ADAR: variants seen among roughly 807,000 people sequenced by gnomAD.
The protein encoded by ADAR is adenosine deaminase RNA specific.
Under a neutral mutation model 113.2 loss-of-function variants are expected in ADAR, and 41 were observed. The ratio of observed to expected loss-of-function variants is 0.36; its 90% CI spans 0.28 to 0.47. The LOEUF (loss-of-function observed/expected upper bound fraction) is 0.47, where lower values mean the gene tolerates loss of function less well. Ranked by LOEUF, ADAR falls within the 20% of genes least tolerant of loss-of-function variation. ADAR has a pLI of 1.00. For synonymous variants in ADAR, 605 were observed against 572.6 expected (o/e 1.06, Z -0.81); for missense variants, 1,242 against 1,540.9 (o/e 0.81, Z 3.25).
At chr1:154,610,837 A>AAAAAAAAC, upstream of ADAR, among the ~76,000 whole-genome samples, 1 of 149,390 alleles carries the variant, frequency 6.7e-6, no homozygotes, top group Admixed American at 6.7e-5. Context: ...AAAAAAAAAA[A>AAAAAAAAC]AAAAGACAAA....
upstream of ADAR, among the ~76,000 whole-genome samples, chr1:154,610,716 G>C (rs1406976346): frequency 6.7e-6 from 1 of 149,150 alleles, no homozygotes; most frequent in Non-Finnish European, 1.5e-5. Flanking sequence ...AGGCTGACGT[G>C]GTAGAAACGC....
In ADAR at chr1:154,608,135, G is replaced by A. The variant is rs1288677933; in HGVS notation, c.-129C>T. 7.2e-6 allele frequency: 9 copies of A among 1,246,694 alleles called. No individual in the cohort carries two copies. Among genetic ancestry groups the A allele is most frequent in the Non-Finnish European group, 9.6e-6 (9 of 941,558 alleles). The allele number at this position is 1,246,694 out of a possible 1,614,324, so 77.2% of individuals were successfully genotyped here. Reference sequence around the variant, plus strand: ...GCACTGGAAGTGGCCCCGGGGCGTCGGCACGGGAAACTCCGCGGGTCTGCG... The same window carrying A: ...GCACTGGAAGTGGCCCCGGGGCGTCAGCACGGGAAACTCCGCGGGTCTGCG... On this transcript the variant is annotated 5_prime_UTR_variant, in exon 1 of 15. Transcript: ENST00000368474.
intron 1 of ADAR, among the ~76,000 whole-genome samples, chr1:154,627,641 T>C (rs867340067): frequency 1.3e-5 from 2 of 152,258 alleles, no homozygotes; most frequent in Middle Eastern, 3.4e-3. Context: ...CGCACAAAAG[T>C]ACACCGGCCC....
chr1:154,626,392 G>A (rs1414802502), intron 1 of ADAR, among the ~76,000 whole-genome samples: 1 of 152,118 alleles, frequency 6.6e-6, no homozygotes, highest in Non-Finnish European at 1.5e-5. Flanking sequence ...TGGGATTACA[G>A]GCATGAGCCA....
rs376025865 is a variant in ADAR, at chr1:154,597,820, G to C, written c.1934+8C>G. ...ACCTCAGCTGGACAGAGGACACGTA[G>C]GACATACTTGGGTTCATGGGCAGGG... On this transcript the variant is annotated splice_region_variant and intron_variant, in intron 4 of 14. Coordinates refer to ENST00000368474, the MANE Select transcript of ADAR (RefSeq NM_001111.5). 1.2e-6 allele frequency: 2 copies of C among 1,613,994 alleles called. No individual in the cohort carries two copies. The highest frequency in any genetic ancestry group is 1.3e-5 in the African/African-American group (1 of 74,898).
chr1:154,584,618 C>T lies in ADAR; in HGVS notation c.*188G>A. ...GGGAAAAAAGGGGGGCCTGGCCAGA[C>T]CTTGCCTAGCAATCCCAAAGAAAGC... On this transcript the variant is annotated 3_prime_UTR_variant, in exon 15 of 15. Coordinates refer to ENST00000368474, the MANE Select transcript of ADAR (RefSeq NM_001111.5). The T allele has an allele frequency of 8.0e-6, 5 of 623,886 alleles. No individual in the cohort carries two copies. Among genetic ancestry groups the T allele is most frequent in the South Asian group, 6.0e-5 (3 of 50,034 alleles). The allele number at this position is 623,886 out of a possible 1,614,324, so 38.6% of individuals were successfully genotyped here.
intron 1 of ADAR, among the ~76,000 whole-genome samples, chr1:154,627,605 C>T (rs759014614): frequency 1.3e-5 from 2 of 152,260 alleles, no homozygotes; most frequent in Non-Finnish European, 2.9e-5. Context: ...GCCGCCCACA[C>T]TCGCGCACAC....
In ADAR at chr1:154,598,016, A is replaced by G. The variant is rs374420425; in HGVS notation, c.1786-40T>C. ...AGACAAGAAGAAAACAAAACTAAGA[A>G]AACACTGGTTAGTCCATCACAGAAG... On this transcript the variant is annotated intron_variant, in intron 3 of 14. Coordinates refer to ENST00000368474, the MANE Select transcript of ADAR (RefSeq NM_001111.5). The G allele has an allele frequency of 8.5e-4, 1,356 of 1,600,436 alleles. 3 individuals carry two copies. Among genetic ancestry groups the G allele is most frequent in the Admixed American group, 4.0e-3 (229 of 57,446 alleles).
chr1:154,607,604 A>C (rs1004550202), intron 1 of ADAR, among the ~76,000 whole-genome samples: 4 of 152,050 alleles, frequency 2.6e-5, no homozygotes, highest in African/African-American at 9.7e-5. Flanking sequence ...AGGCCTTCCT[A>C]CTCAGACGGG....
intron 1 of ADAR, among the ~76,000 whole-genome samples, chr1:154,623,938 G>A (rs1363844728): frequency 6.6e-6 from 1 of 152,042 alleles, no homozygotes. Flanking sequence ...GGGAGGTGGA[G>A]GTTGCCGCCA....
intron 1 of ADAR, among the ~76,000 whole-genome samples, chr1:154,607,587 T>C (rs922053144): frequency 6.6e-6 from 1 of 152,174 alleles, no homozygotes; most frequent in African/African-American, 2.4e-5. Context: ...TGCCTTGACA[T>C]GGGCTCAGGC....
chr1:154,608,320 C>G, upstream of ADAR: 1 of 429,102 alleles, frequency 2.3e-6, no homozygotes, highest in Non-Finnish European at 4.1e-6. Flanking sequence ...ATGAGAACTA[C>G]GGAAGGTACT....
chr1:154,596,324 C>T (rs998171169), intron 6 of ADAR, among the ~76,000 whole-genome samples: 9 of 148,114 alleles, frequency 6.1e-5, no homozygotes, highest in African/African-American at 2.5e-5. Flanking sequence ...CTCACTGCAA[C>T]CTCCGCCTCC....
chr1:154,608,330 T>A, upstream of ADAR: 1 of 138,204 alleles, frequency 7.2e-6, no homozygotes, highest in Non-Finnish European at 1.5e-5. Context: ...CGGAAGGTAC[T>A]TTTTTTTTTT....
intron 6 of ADAR, among the ~76,000 whole-genome samples, chr1:154,594,339 G>A (rs995647028): frequency 3.3e-5 from 5 of 152,128 alleles, no homozygotes; most frequent in Admixed American, 1.3e-4. Flanking sequence ...TCCTTCCCCA[G>A]AAGCAAACAC....
chr1:154,627,970 A>G (rs777241603), upstream of ADAR: 3 of 507,846 alleles, frequency 5.9e-6, no homozygotes, highest in South Asian at 2.8e-5. Context: ...TCGGGAATCA[A>G]TGGTCTGGTC....
chr1:154,600,825 C>T (rs1697820442), intron 2 of ADAR: 1 of 655,702 alleles, frequency 1.5e-6, no homozygotes. Flanking sequence ...TCAACCTCCC[C>T]CTTGTTCAGC....
rs562893841 is a variant in ADAR, at chr1:154,590,878, C to T, written c.2271-469G>A. ...CTGGGGTGAGAGGATCACTTGAGCC[C>T]TGGAGGTCAAGGCTGCAGTGAGCTA... On this transcript the variant is annotated intron_variant, in intron 6 of 14. Coordinates refer to ENST00000368474, the MANE Select transcript of ADAR (RefSeq NM_001111.5). Among the ~76,000 whole-genome samples, 10 of 152,068 alleles carry T rather than the reference C, an allele frequency of 6.6e-5. No homozygotes were observed. In the South Asian group the frequency reaches 2.1e-3, roughly 32 times the overall value.
At chr1:154,620,513 A>T (rs1004462193) in intron 1 of ADAR, among the ~76,000 whole-genome samples, 1 of 152,260 alleles carries the variant, frequency 6.6e-6, no homozygotes. Flanking sequence ...TCTTCTTAAT[A>T]GCCCCAAACT....
Sources: gnomAD v4.1 joint callset for allele counts (sites outside exome capture counted in the v4.1 genomes callset) on GRCh38, gnomAD v4.1.1 for gene constraint, MANE v1.5 for transcripts, NCBI Gene and HGNC (gene_info 2026-07-23, HGNC 2026-07-21) for gene names.